Variants in RELN observed in about 807,000 individuals in gnomAD.
The protein encoded by RELN is reelin.
RELN carries 108 observed loss-of-function variants against 427.6 expected under a neutral mutation model. The observed-to-expected ratio is 0.25, with a 90% confidence interval of 0.22 to 0.30. The LOEUF is 0.30. RELN is among the 10% of genes least tolerant of loss of function. The probability of loss-of-function intolerance (pLI) is 1.00; values close to 1 mark genes in which losing one functional copy is unlikely to be tolerated. For synonymous variants in RELN, 1,524 were observed against 1,513.4 expected, an observed-to-expected ratio of 1.01 and a Z score of -0.16; for missense variants, 3,715 against 4,302.8, an observed-to-expected ratio of 0.86 and a Z score of 3.82.
intron 12 of RELN, among the ~76,000 whole-genome samples, chr7:103,659,739 A>G (rs1465060577): frequency 6.6e-6 from 1 of 152,180 alleles, no homozygotes; most frequent in Non-Finnish European, 1.5e-5. Flanking sequence ...ATTAATTTTT[A>G]TATCAATAAC....
chr7:103,483,595 C>T, intron 62 of RELN, 58 bp downstream of exon 62: 1 of 1,566,454 alleles, frequency 6.4e-7, no homozygotes, highest in East Asian at 2.2e-5. Context: ...TTTGTGATTC[C>T]CAGGGATTCA....
intron 10 of RELN, among the ~76,000 whole-genome samples, chr7:103,682,485 T>C (rs991645220): frequency 7.9e-5 from 12 of 152,354 alleles, no homozygotes; most frequent in African/African-American, 2.9e-4. Context: ...AAGGGGGCAT[T>C]TGAGCTTTGC....
At chr7:103,768,486 A>G (rs896798145) in intron 4 of RELN, among the ~76,000 whole-genome samples, 1 of 152,204 alleles carries the variant, frequency 6.6e-6, no homozygotes, top group Non-Finnish European at 1.5e-5. Flanking sequence ...GTATTTTACA[A>G]CCAGAAATCA....
chr7:103,480,059 C>G (rs780699619), intron 63 of RELN, among the ~76,000 whole-genome samples: 92 of 152,282 alleles, frequency 6.0e-4, no homozygotes, highest in Middle Eastern at 6.8e-3. Context: ...TTGTAACATA[C>G]AGTTACGTAG....
At chr7:103,630,812 T>C (rs2117334879) in intron 19 of RELN, among the ~76,000 whole-genome samples, 1 of 151,546 alleles carries the variant, frequency 6.6e-6, no homozygotes, top group South Asian at 2.1e-4. Context: ...GAAAGGTGCT[T>C]GCATTAAAGA....
At chr7:103,515,112 T>C (rs1829528133) in intron 50 of RELN, 73 bp downstream of exon 50, 1 of 1,596,296 alleles carries the variant, frequency 6.3e-7, no homozygotes, top group Non-Finnish European at 8.6e-7. Flanking sequence ...CATATTTTGC[T>C]CTTTTGAAAA....
At position 103,566,591 on chromosome 7, in the gene RELN, A is replaced by G. The variant is rs1201747283; in HGVS notation, c.4747+10T>C. ...AAGCTACCAGAAAGCTGGAGTGAGC[A>G]GTAACTTACCATGTTGCGGTTGCCA... On this transcript the variant is annotated intron_variant, in intron 32 of 64. Coordinates refer to ENST00000428762, the MANE Select transcript of RELN (RefSeq NM_005045.4). 1 of 1,613,964 alleles carries G rather than the reference A, an allele frequency of 6.2e-7. No individual in the cohort carries two copies. Among genetic ancestry groups the G allele is most frequent in the Non-Finnish European group, 8.5e-7 (1 of 1,180,002 alleles).
intron 3 of RELN, among the ~76,000 whole-genome samples, chr7:103,792,771 A>G (rs1792199986): frequency 6.6e-6 from 1 of 152,042 alleles, no homozygotes; most frequent in African/African-American, 2.4e-5. Context: ...AAAGGGATAA[A>G]TTTTATGGGA....
At chr7:103,545,040 T>G (rs1830257094) in intron 42 of RELN, 84 bp downstream of exon 42, 4 of 945,728 alleles carry the variant, frequency 4.2e-6, no homozygotes, top group Non-Finnish European at 6.8e-6. Flanking sequence ...AGAATTAAAC[T>G]TAATGATTAG....
chr7:103,562,992 G>A (rs144407175), intron 34 of RELN, among the ~76,000 whole-genome samples: 1 of 152,082 alleles, frequency 6.6e-6, no homozygotes, highest in Non-Finnish European at 1.5e-5. Flanking sequence ...CCTGGATTTT[G>A]TTCTGGCTTA....
chr7:103,747,052 T>G lies in RELN; in HGVS notation c.656+2374A>C, dbSNP rs182975289. ...ATGATAGATGGATTAAGAAAATGTG[T>G]CACATATACACCATGGAATACTATG... On this transcript the variant is annotated intron_variant, in intron 6 of 64. Coordinates refer to ENST00000428762, the MANE Select transcript of RELN (RefSeq NM_005045.4). Among the ~76,000 whole-genome samples, 70 of 152,194 alleles carry G rather than the reference T, an allele frequency of 4.6e-4. No homozygotes were observed. In the East Asian group the frequency reaches 0.01, roughly 22 times the overall value.
Position 103,941,901 on chromosome 7 carries a change from A to T in RELN, c.227-24716T>A, listed in dbSNP as rs370981944. Among the ~76,000 whole-genome samples, 11 of 152,024 alleles carry T rather than the reference A, an allele frequency of 7.2e-5. No individual in the cohort carries two copies. The East Asian group carries it at 2.1e-3, about 29-fold the overall frequency. On this transcript the variant is annotated intron_variant, in intron 1 of 64. Transcript: ENST00000428762. ...CTTGCAAGGCATCAGTATCTCTTTA[A>T]ATAAAGCTGACATGTACATCATAAT...
intron 3 of RELN, among the ~76,000 whole-genome samples, chr7:103,784,685 C>A (rs764024179): frequency 1.3e-5 from 2 of 152,044 alleles, no homozygotes; most frequent in Admixed American, 6.6e-5. Flanking sequence ...GGATTATGAA[C>A]CTGAAGGGGT....
chr7:103,710,755 T>C (rs1204274218), intron 8 of RELN, among the ~76,000 whole-genome samples: 3 of 152,148 alleles, frequency 2.0e-5, no homozygotes, highest in Non-Finnish European at 4.4e-5. Context: ...GATTTGAGAG[T>C]ACATGGCCAG....
chr7:103,500,883 C>T lies in RELN; in HGVS notation c.8529G>A (p.Met2843Ile). 6.2e-7 allele frequency: 1 copy of T among 1,614,104 alleles called. No individual in the cohort carries two copies. Among genetic ancestry groups the T allele is most frequent in the Non-Finnish European group, 8.5e-7 (1 of 1,179,976 alleles). The change falls in exon 53 of 65, where the codon ATG (methionine) becomes ATA (isoleucine). Residue 2843 changes from methionine to isoleucine, a missense_variant. Met to Ile is a conservative substitution (Grantham distance 10). Coordinates refer to ENST00000428762, the MANE Select transcript of RELN (RefSeq NM_005045.4). ...RFRFYQKYSD[M>I]QWAIDNFYLG... ...GGTAGAAATTATCGATTGCCCACTGCATGTCTGAGTACTTCTGATAGAACC... is the reference window on the plus strand; with the variant it reads ...GGTAGAAATTATCGATTGCCCACTGTATGTCTGAGTACTTCTGATAGAACC...
At chr7:103,982,103 T>A (rs190979837) in intron 1 of RELN, among the ~76,000 whole-genome samples, 1 of 151,510 alleles carries the variant, frequency 6.6e-6, no homozygotes, top group African/African-American at 2.4e-5. Flanking sequence ...GAGGTGGAGG[T>A]TACAGTGAGC....
intron 2 of RELN, among the ~76,000 whole-genome samples, chr7:103,907,280 G>GT (rs1795228857): frequency 6.6e-6 from 1 of 150,832 alleles, no homozygotes; most frequent in African/African-American, 2.4e-5. Context: ...GCTGGGCATG[G>GT]TGGTGCACAC....
intron 1 of RELN, among the ~76,000 whole-genome samples, chr7:103,925,935 T>C (rs772773983): frequency 6.6e-6 from 1 of 152,088 alleles, no homozygotes; most frequent in Non-Finnish European, 1.5e-5. Context: ...AAAGCTTTTA[T>C]ACAATAAAAA....
intron 3 of RELN, among the ~76,000 whole-genome samples, chr7:103,831,740 A>C (rs945354755): frequency 4.6e-5 from 7 of 152,142 alleles, no homozygotes; most frequent in African/African-American, 7.2e-5. Context: ...AAGGGAGATA[A>C]CAGAGAAGAT....
Sources: allele counts gnomAD v4.1 joint callset (sites outside exome capture counted in the v4.1 genomes callset), GRCh38; gene constraint gnomAD v4.1.1; transcripts MANE v1.5; gene names NCBI Gene and HGNC (gene_info 2026-07-23, HGNC 2026-07-21).